The following SP140L variants were observed in gnomAD, a reference collection of about 807,000 sequenced individuals.
SP140L encodes the protein nuclear body protein SP140-like protein.
In SP140L, 64 loss-of-function variants were observed where a neutral mutation model predicts 84.3. The observed-to-expected ratio is 0.76, with a 90% confidence interval of 0.62 to 0.94. The LOEUF (loss-of-function observed/expected upper bound fraction) is 0.94. SP140L is among the 40% of genes least tolerant of loss of function. The pLI, the probability that SP140L is intolerant of heterozygous loss-of-function variation, is 0.00. For synonymous variants in SP140L, 242 were observed against 236.9 expected (o/e 1.02, Z -0.20); for missense variants, 628 against 692.5 (o/e 0.91, Z 1.05).
chr2:230,385,036 A>G (rs1371300146), intron 8 of SP140L, among the ~76,000 whole-genome samples, 188 bp from the exon 9 acceptor site: 2 of 152,206 alleles, frequency 1.3e-5, no homozygotes, highest in Non-Finnish European at 1.5e-5. Context: ...ATTCTAAGAG[A>G]CTTCAATGTA....
At chr2:230,371,919 T>C (rs1575497042) in intron 7 of SP140L, 5 of 401,168 alleles carry the variant, frequency 1.2e-5, no homozygotes, top group East Asian at 5.6e-5. Flanking sequence ...CCCAATCTAA[T>C]CTTGTAGGCT....
At chr2:230,331,770 G>A (rs2059731173) in intron 2 of SP140L, among the ~76,000 whole-genome samples, 1 of 152,022 alleles carries the variant, frequency 6.6e-6, no homozygotes, top group Non-Finnish European at 1.5e-5. Context: ...TTTCTTTCTG[G>A]CATAGGGGAA....
At chr2:230,364,936 G>A (rs1056863237) in intron 5 of SP140L, among the ~76,000 whole-genome samples, 2 of 152,020 alleles carry the variant, frequency 1.3e-5, no homozygotes, top group Non-Finnish European at 2.9e-5. Flanking sequence ...TGCAACGTAT[G>A]ACCTTTTAAG....
chr2:230,395,478 G>C (rs2062008451), intron 13 of SP140L, among the ~76,000 whole-genome samples: 1 of 152,156 alleles, frequency 6.6e-6, no homozygotes. Context: ...TACTCAGGAG[G>C]CTGAGGTGGG....
At chr2:230,335,368 C>T (rs556188825) in intron 2 of SP140L, among the ~76,000 whole-genome samples, 14 of 152,266 alleles carry the variant, frequency 9.2e-5, no homozygotes, top group Middle Eastern at 3.4e-3. Flanking sequence ...ACTTTGGAAA[C>T]GTTTGGCCTT....
Position 230,393,456 on chromosome 2 carries a change from A to C in SP140L, c.1150A>C (p.Lys384Gln). 1 of 1,575,252 alleles carries C rather than the reference A, an allele frequency of 6.3e-7. No individual in the cohort carries two copies. Among genetic ancestry groups the C allele is most frequent in the Non-Finnish European group, 8.6e-7 (1 of 1,162,894 alleles). Residue 384 changes from lysine to glutamine, a missense_variant, in exon 13 of 19, where the codon AAA becomes CAA. Transcript: ENST00000415673. ...PNPPRIYYRN[K>Q]KRILKSQNNS... is the part of the protein sequence containing the mutation. Reference sequence around the variant, plus strand: ...TCCTCCAAGAATATATTACAGGAACAAAAAGGTGATTATTACATAATTTTC... The same window carrying C: ...TCCTCCAAGAATATATTACAGGAACCAAAAGGTGATTATTACATAATTTTC...
At chr2:230,369,319 C>T (rs1402765180) in intron 5 of SP140L, among the ~76,000 whole-genome samples, 1 of 151,976 alleles carries the variant, frequency 6.6e-6, no homozygotes, top group Admixed American at 6.5e-5. Flanking sequence ...CAGCTTGGTA[C>T]TGGGATGAGA....
chr2:230,354,159 A>G lies in SP140L; in HGVS notation c.108-3646A>G, dbSNP rs528848403. Among the ~76,000 whole-genome samples, 270 of 152,166 alleles carry G rather than the reference A, an allele frequency of 1.8e-3. 1 individual carries two copies. Among genetic ancestry groups the G allele is most frequent in the African/African-American group, 6.2e-3 (259 of 41,526 alleles). On this transcript the variant is annotated intron_variant, in intron 2 of 18. Coordinates refer to ENST00000415673, the MANE Select transcript of SP140L (RefSeq NM_138402.6). ...ACTTTTTCCTCTTTTTCCTTACACT[A>G]GTCTTTCTTTCTAATATTGAAGTAT...
At chr2:230,373,936 G>T (rs2061164927) in intron 7 of SP140L, among the ~76,000 whole-genome samples, 1 of 152,172 alleles carries the variant, frequency 6.6e-6, no homozygotes, top group African/African-American at 2.4e-5. Flanking sequence ...GGAAGAAGTT[G>T]ATTACAACCC....
intron 2 of SP140L, among the ~76,000 whole-genome samples, chr2:230,347,120 C>G (rs1426936073): frequency 6.6e-6 from 1 of 152,138 alleles, no homozygotes; most frequent in South Asian, 2.1e-4. Flanking sequence ...TTTGAGATCT[C>G]TAGTTGTGCA....
Position 230,371,942 on chromosome 2 carries a change from G to T in SP140L, c.637+291G>T, listed in dbSNP as rs532104959. On this transcript the variant is annotated intron_variant, in intron 7 of 18. Transcript: ENST00000415673. ...AATCTTGTAGGCTTTAAAGAGTGGA[G>T]AACTTTTCCTGGCTGTGGAGAAAGG... 7 of 334,030 alleles carry T rather than the reference G, an allele frequency of 2.1e-5. No homozygotes were observed. The Admixed American group carries it at 3.0e-4, about 14-fold the overall frequency. 20.7% of individuals were successfully genotyped at this position (334,030 alleles called of 1,614,324 possible).
intron 5 of SP140L, among the ~76,000 whole-genome samples, chr2:230,369,200 G>A (rs1039061113): frequency 2.0e-5 from 3 of 152,152 alleles, no homozygotes; most frequent in Non-Finnish European, 4.4e-5. Flanking sequence ...ATAATCAGTG[G>A]GCAGGTCTAT....
intron 2 of SP140L, among the ~76,000 whole-genome samples, chr2:230,333,142 T>C (rs2059772094): frequency 6.6e-6 from 1 of 151,904 alleles, no homozygotes; most frequent in South Asian, 2.1e-4. Context: ...GCATTGCTAA[T>C]AAGAAGTCGA....
chr2:230,359,698 G>C (rs2060654231), intron 4 of SP140L, among the ~76,000 whole-genome samples: 1 of 152,118 alleles, frequency 6.6e-6, no homozygotes, highest in Non-Finnish European at 1.5e-5. Flanking sequence ...TATAGTTTCA[G>C]GCAAACAGTC....
intron 7 of SP140L, among the ~76,000 whole-genome samples, chr2:230,376,734 G>A (rs1575505615): frequency 6.6e-6 from 1 of 151,992 alleles, no homozygotes; most frequent in South Asian, 2.1e-4. Flanking sequence ...CCTAAAATTT[G>A]TATAGAACCA....
rs536268423 is a variant in SP140L, at chr2:230,350,575, A to G, written c.108-7230A>G. ...TATATCAGGTACTCAAGAAAAATCA[A>G]TGGACAAAACAGATGCCACTGCCCT... On this transcript the variant is annotated intron_variant, in intron 2 of 18. Transcript: ENST00000415673. Among the ~76,000 whole-genome samples, 290 of 152,360 alleles carry G rather than the reference A, an allele frequency of 1.9e-3. 1 individual carries two copies. Among genetic ancestry groups the G allele is most frequent in the African/African-American group, 6.7e-3 (278 of 41,572 alleles).
intron 2 of SP140L, among the ~76,000 whole-genome samples, chr2:230,356,724 GCTT>G (rs2060560610): frequency 6.6e-6 from 1 of 152,144 alleles, no homozygotes. Context: ...CACCACGATT[GCTT>G]TCCTAACCTC....
At chr2:230,394,918 G>A (rs560829265) in intron 13 of SP140L, among the ~76,000 whole-genome samples, 1 of 152,294 alleles carries the variant, frequency 6.6e-6, no homozygotes, top group Non-Finnish European at 1.5e-5. Context: ...TAGCTGCGGT[G>A]TTGTAAAACA....
At chr2:230,402,674 T>C (rs1211751263) in intron 18 of SP140L, 124 bp from the exon 19 acceptor site, 73 of 728,660 alleles carry the variant, frequency 1.0e-4, no homozygotes, top group Admixed American at 3.1e-5. Context: ...TACATACCAT[T>C]ATAAATTGTC....
Sources: allele counts gnomAD v4.1 joint callset (sites outside exome capture counted in the v4.1 genomes callset), GRCh38; gene constraint gnomAD v4.1.1; transcripts MANE v1.5; gene names NCBI Gene and HGNC (gene_info 2026-07-23, HGNC 2026-07-21).